Variants in NBEA observed in about 807,000 individuals in gnomAD.
NBEA encodes the protein lysosomal-trafficking regulator 2.
Under a neutral mutation model 343.4 loss-of-function variants are expected in NBEA, and 44 were observed. The ratio of observed to expected loss-of-function variants is 0.13; its 90% CI spans 0.10 to 0.16. The LOEUF (loss-of-function observed/expected upper bound fraction) is 0.16. Ranked by LOEUF, NBEA falls within the 10% of genes least tolerant of loss-of-function variation. The pLI, the probability that NBEA is intolerant of heterozygous loss-of-function variation, is 1.00. For missense variants in NBEA, 2,555 were observed against 3,631.3 expected, an observed-to-expected ratio of 0.70 and a Z score of 7.62; for synonymous variants, 1,175 against 1,238.7, an observed-to-expected ratio of 0.95 and a Z score of 1.08.
At chr13:35,156,034 A>T (rs758575546) in intron 19 of NBEA, 49 bp from the exon 20 acceptor site, 2 of 1,542,572 alleles carry the variant, frequency 1.3e-6, no homozygotes, top group Non-Finnish European at 1.7e-6. Context: ...TTTTGAGTTG[A>T]ACATAGGATA....
intron 1 of NBEA, among the ~76,000 whole-genome samples, chr13:34,983,553 G>T (rs1441137451): frequency 6.6e-6 from 1 of 151,996 alleles, no homozygotes; most frequent in Non-Finnish European, 1.5e-5. Flanking sequence ...GGGATCGCTG[G>T]GTCAAATGAT....
Position 35,232,613 on chromosome 13 carries a change from A to C in NBEA, c.5770A>C (p.Ile1924Leu). The C allele has an allele frequency of 6.6e-7, 1 of 1,503,762 alleles. No homozygotes were observed. The highest frequency in any genetic ancestry group is 9.0e-7 in the Non-Finnish European group (1 of 1,115,250). 93.2% of individuals were successfully genotyped at this position (1,503,762 alleles called of 1,614,324 possible). The change falls in exon 34 of 59, where the codon ATA becomes CTA. Residue 1924 changes from isoleucine (I) to leucine (L), a missense_variant. Coordinates refer to ENST00000379939, the MANE Select transcript of NBEA (RefSeq NM_001385012.1). Reference sequence around the variant, plus strand: ...TGGCAGTCATGGACAAGAGCTATTGATAGAAGGTATGATTTCTCTATTATA... The same window carrying C: ...TGGCAGTCATGGACAAGAGCTATTGCTAGAAGGTATGATTTCTCTATTATA... ...LLGSHGQELL[I>L]EGLVCMKSST...
intron 39 of NBEA, among the ~76,000 whole-genome samples, chr13:35,433,214 T>C (rs1257381430): frequency 1.3e-5 from 2 of 152,118 alleles, no homozygotes; most frequent in Non-Finnish European, 2.9e-5. Flanking sequence ...CTTAGGAACA[T>C]TTGGTCTACT....
intron 44 of NBEA, among the ~76,000 whole-genome samples, chr13:35,558,922 A>G (rs1387812802): frequency 6.6e-6 from 1 of 152,246 alleles, no homozygotes; most frequent in Non-Finnish European, 1.5e-5. Flanking sequence ...TGAGCTTTAA[A>G]TGAACTCTTT....
At chr13:35,256,102 A>G (rs1004960664) in intron 34 of NBEA, among the ~76,000 whole-genome samples, 5 of 152,118 alleles carry the variant, frequency 3.3e-5, no homozygotes, top group Admixed American at 2.6e-4. Context: ...GGTAGCTCCT[A>G]TCTGCAGGCA....
At chr13:35,041,591 C>T (rs1321831191) in intron 2 of NBEA, among the ~76,000 whole-genome samples, 2 of 151,968 alleles carry the variant, frequency 1.3e-5, no homozygotes, top group Admixed American at 1.3e-4. Context: ...ACAGGAGGTA[C>T]TAAAAGCCTT....
chr13:34,975,165 A>T (rs1479708523), intron 1 of NBEA, among the ~76,000 whole-genome samples: 2 of 152,168 alleles, frequency 1.3e-5, no homozygotes, highest in African/African-American at 4.8e-5. Context: ...AAGTTCTGTG[A>T]GAAAATTACA....
At chr13:34,986,157 C>A (rs1468206415) in intron 1 of NBEA, among the ~76,000 whole-genome samples, 1 of 150,604 alleles carries the variant, frequency 6.6e-6, no homozygotes, top group African/African-American at 2.4e-5. Context: ...TTCCTGCTTT[C>A]TCTTGTGGGC....
At chr13:35,478,336 A>G (rs552675084) in intron 41 of NBEA, among the ~76,000 whole-genome samples, 1 of 152,028 alleles carries the variant, frequency 6.6e-6, no homozygotes, top group Non-Finnish European at 1.5e-5. Context: ...GGAACACCCA[A>G]AAAACCCCTC....
intron 41 of NBEA, among the ~76,000 whole-genome samples, chr13:35,484,260 G>C (rs2076224514): frequency 7.4e-6 from 1 of 135,628 alleles, no homozygotes; most frequent in South Asian, 2.4e-4. Flanking sequence ...GTGTGTGTGT[G>C]TGTGTGTGTG....
intron 1 of NBEA, among the ~76,000 whole-genome samples, chr13:34,976,475 A>C (rs1051156457): frequency 6.6e-6 from 1 of 152,158 alleles, no homozygotes; most frequent in Non-Finnish European, 1.5e-5. Context: ...TACAGTGTAC[A>C]CTGGTCTGGT....
chr13:35,022,266 A>G (rs987145860), intron 1 of NBEA, among the ~76,000 whole-genome samples: 4 of 152,066 alleles, frequency 2.6e-5, no homozygotes, highest in African/African-American at 9.7e-5. Context: ...GTGTTGCTTT[A>G]AATATATTTG....
intron 17 of NBEA, among the ~76,000 whole-genome samples, chr13:35,135,223 TTCCTATACCTTA>T (rs981080050): frequency 6.6e-6 from 1 of 152,046 alleles, no homozygotes; most frequent in Admixed American, 6.6e-5. Flanking sequence ...TAGCATTGAG[TTCCTATACCTTA>T]TCCTCCATTC....
At chr13:35,024,005 G>A (rs191496026) in intron 1 of NBEA, among the ~76,000 whole-genome samples, 20 of 152,262 alleles carry the variant, frequency 1.3e-4, no homozygotes, top group Admixed American at 4.6e-4. Flanking sequence ...AGGCCCTGGT[G>A]TCTGTTGTTC....
intron 45 of NBEA, among the ~76,000 whole-genome samples, chr13:35,581,951 T>C (rs2081069293): frequency 6.7e-6 from 1 of 148,932 alleles, no homozygotes; most frequent in Non-Finnish European, 1.5e-5. Context: ...TATCTGAACA[T>C]CTAGTAAAGT....
intron 34 of NBEA, among the ~76,000 whole-genome samples, chr13:35,270,527 C>T (rs973561503): frequency 3.3e-5 from 5 of 152,232 alleles, no homozygotes; most frequent in African/African-American, 4.8e-5. Context: ...GGCAGGGTGT[C>T]GCCTCACCTG....
intron 43 of NBEA, among the ~76,000 whole-genome samples, chr13:35,551,794 T>G (rs1032426739): frequency 1.3e-5 from 2 of 152,174 alleles, no homozygotes; most frequent in African/African-American, 4.8e-5. Context: ...CTACTACATC[T>G]TCACACAACT....
intron 38 of NBEA, among the ~76,000 whole-genome samples, chr13:35,399,467 A>C (rs975681332): frequency 1.3e-5 from 2 of 152,064 alleles, no homozygotes; most frequent in African/African-American, 4.8e-5. Flanking sequence ...ACACTTATAA[A>C]ACCATCAGGT....
chr13:35,013,472 A>G (rs1409810064), intron 1 of NBEA, among the ~76,000 whole-genome samples: 1 of 151,482 alleles, frequency 6.6e-6, no homozygotes, highest in African/African-American at 2.4e-5. Context: ...TTAAACATGT[A>G]TCTTTTTTTT....
Sources: allele counts gnomAD v4.1 joint callset (sites outside exome capture counted in the v4.1 genomes callset), GRCh38; gene constraint gnomAD v4.1.1; transcripts MANE v1.5; gene names NCBI Gene and HGNC (gene_info 2026-07-23, HGNC 2026-07-21).